The following TCF7L2 variants were observed in gnomAD, a reference collection of about 807,000 sequenced individuals.
TCF7L2 encodes transcription factor 7-like 2.
Under a neutral mutation model 77.9 loss-of-function variants are expected in TCF7L2, and 23 were observed. That is an observed-to-expected ratio of 0.30 (90% confidence interval 0.21 to 0.42). The LOEUF is 0.42. TCF7L2 is among the 10% of genes least tolerant of loss of function. The pLI is 1.00. For missense variants in TCF7L2, 654 were observed against 793.1 expected, an observed-to-expected ratio of 0.82 and a Z score of 2.11; for synonymous variants, 413 against 340.2, an observed-to-expected ratio of 1.21 and a Z score of -2.36.
chr10:113,080,611 G>A (rs1366084448), intron 5 of TCF7L2, among the ~76,000 whole-genome samples: 1 of 152,136 alleles, frequency 6.6e-6, no homozygotes, highest in African/African-American at 2.4e-5. Context: ...CTCCCATTGG[G>A]ATTTCTCCTT....
At chr10:112,955,808 G>A (rs940930258) in intron 3 of TCF7L2, among the ~76,000 whole-genome samples, 2 of 152,106 alleles carry the variant, frequency 1.3e-5, no homozygotes, top group South Asian at 2.1e-4. Flanking sequence ...TCTGTTTGCC[G>A]TGCTGGATCG....
intron 4 of TCF7L2, among the ~76,000 whole-genome samples, chr10:113,032,198 G>A (rs1297499085): frequency 5.3e-5 from 8 of 152,226 alleles, no homozygotes; most frequent in African/African-American, 9.6e-5. Context: ...CCCATTGGTT[G>A]TGAGAGGAGG....
chr10:113,011,684 A>G (rs529173676), intron 4 of TCF7L2, among the ~76,000 whole-genome samples: 31 of 152,182 alleles, frequency 2.0e-4, no homozygotes, highest in African/African-American at 7.0e-4. Context: ...TACTTTGAGT[A>G]TTACTGTTGA....
At chr10:112,958,955 G>T (rs2034387585) in intron 3 of TCF7L2, among the ~76,000 whole-genome samples, 1 of 152,144 alleles carries the variant, frequency 6.6e-6, no homozygotes, top group Non-Finnish European at 1.5e-5. Flanking sequence ...AATGAAAAAT[G>T]CTGTGTTAGG....
chr10:112,992,501 G>A (rs1021309859), intron 4 of TCF7L2, among the ~76,000 whole-genome samples: 3 of 152,164 alleles, frequency 2.0e-5, no homozygotes, highest in Admixed American at 2.0e-4. Flanking sequence ...AACATTTCTG[G>A]AATCAAAAGG....
At chr10:113,119,746 G>A (rs2064462841) in intron 5 of TCF7L2, among the ~76,000 whole-genome samples, 1 of 151,838 alleles carries the variant, frequency 6.6e-6, no homozygotes, top group African/African-American at 2.4e-5. Context: ...AAAGTTTATT[G>A]GATTTGTGTG....
At chr10:112,999,041 G>A (rs1156490735) in intron 4 of TCF7L2, among the ~76,000 whole-genome samples, 1 of 152,162 alleles carries the variant, frequency 6.6e-6, no homozygotes, top group African/African-American at 2.4e-5. Context: ...TTCAGAGACA[G>A]GGTCTCATTC....
chr10:112,956,156 G>A (rs1053776371), intron 3 of TCF7L2, among the ~76,000 whole-genome samples: 1 of 151,992 alleles, frequency 6.6e-6, no homozygotes, highest in Admixed American at 6.6e-5. Flanking sequence ...TTGTGTGGAC[G>A]CGTGTTTCTG....
intron 13 of TCF7L2, among the ~76,000 whole-genome samples, chr10:113,163,464 C>G (rs1022616598): frequency 3.3e-5 from 5 of 152,076 alleles, no homozygotes; most frequent in Non-Finnish European, 4.4e-5. Flanking sequence ...CTGTTTTTCT[C>G]TGTTGCTTTC....
intron 4 of TCF7L2, among the ~76,000 whole-genome samples, chr10:112,974,271 C>G (rs1177396532): frequency 6.6e-6 from 1 of 152,094 alleles, no homozygotes; most frequent in Non-Finnish European, 1.5e-5. Flanking sequence ...TATTAGGGCA[C>G]TTAGTTCGGA....
intron 5 of TCF7L2, among the ~76,000 whole-genome samples, chr10:113,115,896 C>T (rs1353824798): frequency 1.3e-5 from 2 of 152,072 alleles, no homozygotes; most frequent in Non-Finnish European, 1.5e-5. Context: ...GCTGCTGTCA[C>T]GTCATATTTG....
At chr10:113,002,317 G>A (rs955675247) in intron 4 of TCF7L2, among the ~76,000 whole-genome samples, 6 of 152,146 alleles carry the variant, frequency 3.9e-5, no homozygotes, top group Non-Finnish European at 8.8e-5. Flanking sequence ...AAGTTGTTTA[G>A]GTCGGCGGTT....
intron 4 of TCF7L2, among the ~76,000 whole-genome samples, chr10:112,975,656 A>G (rs2039279705): frequency 6.6e-6 from 1 of 151,696 alleles, no homozygotes; most frequent in African/African-American, 2.4e-5. Flanking sequence ...TAATTTTTGT[A>G]TTTTCAGTAG....
chr10:113,031,355 C>T (rs919169095), intron 4 of TCF7L2, among the ~76,000 whole-genome samples: 2 of 152,130 alleles, frequency 1.3e-5, no homozygotes, highest in African/African-American at 2.4e-5. Context: ...GTCAGAATTG[C>T]TTGGCAAGTT....
intron 4 of TCF7L2, among the ~76,000 whole-genome samples, chr10:113,032,237 G>T (rs550664811): frequency 6.6e-6 from 1 of 152,324 alleles, no homozygotes; most frequent in East Asian, 1.9e-4. Context: ...CCGATTGTCC[G>T]TGTGTGAGCT....
intron 5 of TCF7L2, chr10:113,089,327 G>C: frequency 6.6e-7 from 1 of 1,518,156 alleles, no homozygotes; most frequent in Non-Finnish European, 8.9e-7. Context: ...AAGGCTGGGG[G>C]CTGTGTGTGC....
At chr10:113,041,950 A>G (rs1401258001) in intron 5 of TCF7L2, among the ~76,000 whole-genome samples, 2 of 152,110 alleles carry the variant, frequency 1.3e-5, no homozygotes, top group African/African-American at 4.8e-5. Context: ...GTGAGGAGAG[A>G]AGATGTGAAT....
chr10:113,077,656 A>G (rs1224753907), intron 5 of TCF7L2, among the ~76,000 whole-genome samples: 2 of 150,168 alleles, frequency 1.3e-5, no homozygotes, highest in Non-Finnish European at 3.0e-5. Flanking sequence ...AGGTTCGTCC[A>G]TGTTGCTGCA....
chr10:112,995,918 T>G (rs1224744784), intron 4 of TCF7L2, among the ~76,000 whole-genome samples: 1 of 152,212 alleles, frequency 6.6e-6, no homozygotes, highest in Non-Finnish European at 1.5e-5. Flanking sequence ...AAATAAGTTA[T>G]TTAATCTTTG....
Sources: gnomAD v4.1 joint callset for allele counts (sites outside exome capture counted in the v4.1 genomes callset) on GRCh38, gnomAD v4.1.1 for gene constraint, MANE v1.5 for transcripts, NCBI Gene and HGNC (gene_info 2026-07-23, HGNC 2026-07-21) for gene names.